Variants in SNX8 observed in about 807,000 individuals in gnomAD.
SNX8 encodes sorting nexin-8.
A neutral mutation model predicts 51.6 loss-of-function variants in SNX8; 25 were observed. The observed-to-expected ratio is 0.48, with a 90% confidence interval of 0.35 to 0.68. The LOEUF (loss-of-function observed/expected upper bound fraction) is 0.68, where lower values mean the gene tolerates loss of function less well. Ranked by LOEUF, SNX8 falls within the 30% of genes least tolerant of loss-of-function variation. The pLI is 0.00. For missense variants in SNX8, 695 were observed against 624.0 expected (o/e 1.11, Z -1.21); for synonymous variants, 324 against 277.0 (o/e 1.17, Z -1.68).
intron 1 of SNX8, among the ~76,000 whole-genome samples, chr7:2,330,207 G>A (rs576661461): frequency 2.7e-5 from 4 of 146,366 alleles, no homozygotes; most frequent in Middle Eastern, 3.5e-3. Flanking sequence ...GCGGCATCTC[G>A]GCTCACCACA....
intron 1 of SNX8, among the ~76,000 whole-genome samples, chr7:2,342,501 A>G (rs938763528): frequency 2.0e-5 from 3 of 151,988 alleles, no homozygotes; most frequent in Non-Finnish European, 4.4e-5. Context: ...TAAAAAATAC[A>G]AAAATCAGCC....
chr7:2,302,595 G>C (rs1007325501), intron 1 of SNX8, among the ~76,000 whole-genome samples: 3 of 151,434 alleles, frequency 2.0e-5, no homozygotes, highest in African/African-American at 4.9e-5. Flanking sequence ...CTTCTGCCTG[G>C]CTGCCCAGTC....
At chr7:2,289,087 C>T (rs776839908) in intron 1 of SNX8, among the ~76,000 whole-genome samples, 27 of 152,144 alleles carry the variant, frequency 1.8e-4, no homozygotes, top group Non-Finnish European at 3.4e-4. Flanking sequence ...TTGTTCCTGA[C>T]GTCTTTCCCT....
At chr7:2,267,338 C>T (rs2115109865) in intron 5 of SNX8, among the ~76,000 whole-genome samples, 1 of 145,194 alleles carries the variant, frequency 6.9e-6, no homozygotes, top group East Asian at 2.1e-4. Flanking sequence ...CCCCCTCTCC[C>T]TCTCCCTCAC....
In SNX8 at chr7:2,270,932, C is replaced by T. The variant is rs140480619; in HGVS notation, c.540+918G>A. The stretch of plus-strand genomic sequence containing the variant: ...TTCCAGTGGAGCCCCCGCCCCTCCC[C>T]GCACAGGGAGAGGGTCCTGCAGGCA... On this transcript the variant is annotated intron_variant, in intron 4 of 10. Coordinates refer to ENST00000222990, the MANE Select transcript of SNX8 (RefSeq NM_013321.4). Among the ~76,000 whole-genome samples, 1,175 of 152,284 alleles carry T rather than the reference C, an allele frequency of 7.7e-3. 16 individuals are homozygous for T. Among genetic ancestry groups the T allele is most frequent in the African/African-American group, 0.027 (1,128 of 41,562 alleles).
chr7:2,326,181 T>C (rs751360841), intron 1 of SNX8, among the ~76,000 whole-genome samples: 47 of 149,018 alleles, frequency 3.2e-4, no homozygotes, highest in South Asian at 6.4e-4. Context: ...CTGGGCAAAA[T>C]AGTGAGACCC....
rs74510194 is a variant in SNX8, at chr7:2,283,670, G to A, written c.95-5365C>T. Among the ~76,000 whole-genome samples the A allele has an allele frequency of 2.0e-3, 300 of 152,326 alleles. 6 individuals carry two copies. The East Asian group carries it at 0.048, about 24-fold the overall frequency. On this transcript the variant is annotated intron_variant, in intron 1 of 10. Transcript: ENST00000222990. Reference sequence around the variant, plus strand: ...TCAGGACCAGCAAGGATGGCACAGCGTCCCAGGGCTAAATTCCCCAAAGTG... The same window carrying A: ...TCAGGACCAGCAAGGATGGCACAGCATCCCAGGGCTAAATTCCCCAAAGTG...
intron 1 of SNX8, among the ~76,000 whole-genome samples, chr7:2,282,435 G>C (rs1795927889): frequency 6.6e-6 from 1 of 151,984 alleles, no homozygotes; most frequent in Non-Finnish European, 1.5e-5. Context: ...ACCCCTCTTT[G>C]CAACAAAAAA....
At position 2,270,314 on chromosome 7, in the gene SNX8, CAAAAAAAAAAAAAAAA is replaced by C. The variant is rs57983721; in HGVS notation, c.541-691_541-676del. On this transcript the variant is annotated intron_variant, in intron 4 of 10. Transcript: ENST00000222990. Reference sequence around the variant, plus strand: ...ATCATCTGACTCAACTCTCATTTTACAAAAAAAAAAAAAAAAAAAAAAAAAAAGACCTGAGGCCCAG... The same window carrying C: ...ATCATCTGACTCAACTCTCATTTTACAAAAAAAAAAAGACCTGAGGCCCAG... Among the ~76,000 whole-genome samples the C allele has an allele frequency of 1.2e-4, 7 of 57,086 alleles. 2 individuals are homozygous for C. Among genetic ancestry groups the C allele is most frequent in the African/African-American group, 5.4e-4 (7 of 12,848 alleles). 37.5% of individuals were successfully genotyped at this position (57,086 alleles called of 152,430 possible). A position where few individuals can be genotyped will look rare whatever the true frequency, so the allele number is the denominator to read the frequency against.
chr7:2,332,743 A>AAAGGAAGGAAGGAAGG lies in SNX8; in HGVS notation c.-66+21463_-66+21478dup, dbSNP rs57859551. On this transcript the variant is annotated intron_variant, in intron 1 of 5. Coordinates refer to the SNX8 transcript ENST00000435336. The stretch of plus-strand genomic sequence containing the variant: ...CCAGTGAGAGAGAGAGAGAGAGAGA[A>AAAGGAAGGAAGGAAGG]AAGGAAGGAAGGAAGGAAGGAAGGA... Among the ~76,000 whole-genome samples the AAAGGAAGGAAGGAAGG allele has an allele frequency of 6.9e-3, 968 of 140,362 alleles. 11 individuals carry two copies. Among genetic ancestry groups the AAAGGAAGGAAGGAAGG allele is most frequent in the African/African-American group, 0.025 (914 of 37,288 alleles). 92.1% of individuals were successfully genotyped at this position (140,362 alleles called of 152,430 possible).
chr7:2,258,571 GGA>G (rs1414430437), intron 7 of SNX8, among the ~76,000 whole-genome samples: 1 of 152,210 alleles, frequency 6.6e-6, no homozygotes, highest in Admixed American at 6.5e-5. Context: ...GGGGCACGGA[GGA>G]GAACAAGGGT....
intron 1 of SNX8, among the ~76,000 whole-genome samples, chr7:2,342,644 A>G (rs1391457742): frequency 6.7e-6 from 1 of 148,942 alleles, no homozygotes; most frequent in Non-Finnish European, 1.5e-5. Context: ...ACAGAGCGAG[A>G]CTCCATCTCC....
intron 1 of SNX8, among the ~76,000 whole-genome samples, chr7:2,319,980 A>AAAAC (rs538687476): frequency 7.2e-5 from 11 of 152,260 alleles, no homozygotes; most frequent in South Asian, 4.1e-4. Flanking sequence ...ACTACATCTC[A>AAAAC]AAACAAACAA....
intron 4 of SNX8, among the ~76,000 whole-genome samples, chr7:2,270,245 G>C (rs1178090296): frequency 2.9e-5 from 4 of 138,906 alleles, no homozygotes; most frequent in Non-Finnish European, 6.1e-5. Flanking sequence ...ATATGCAGCT[G>C]TTTGCGTGTC....
chr7:2,353,375 G>C (rs1286836142), intron 1 of SNX8, among the ~76,000 whole-genome samples: 2 of 151,932 alleles, frequency 1.3e-5, no homozygotes, highest in African/African-American at 2.4e-5. Context: ...AACAGAGCGA[G>C]ACCCTATCTC....
At chr7:2,320,082 C>T (rs117686640) in intron 1 of SNX8, among the ~76,000 whole-genome samples, 1 of 151,634 alleles carries the variant, frequency 6.6e-6, no homozygotes, top group South Asian at 2.1e-4. Flanking sequence ...TGAGGCCAGG[C>T]ACATGGCTCA....
Position 2,319,992 on chromosome 7 carries a change from C to T in SNX8, c.-66+34230G>A, listed in dbSNP as rs370834971. Reference sequence around the variant, plus strand: ...GAGACTACATCTCAAAACAAACAAACAAACAAACAAAAAACCGTAAATCGT... The same window carrying T: ...GAGACTACATCTCAAAACAAACAAATAAACAAACAAAAAACCGTAAATCGT... On this transcript the variant is annotated intron_variant, in intron 1 of 5. Coordinates refer to the SNX8 transcript ENST00000435336. Among the ~76,000 whole-genome samples the T allele has an allele frequency of 1.4e-3, 213 of 152,180 alleles. 8 individuals carry two copies. In the South Asian group the frequency reaches 0.042, roughly 30 times the overall value.
At chr7:2,273,921 C>T (rs1247913108) in intron 3 of SNX8, among the ~76,000 whole-genome samples, 1 of 151,630 alleles carries the variant, frequency 6.6e-6, no homozygotes, top group Non-Finnish European at 1.5e-5. Context: ...AAAAAAAACA[C>T]CATAAAAGAA....
At chr7:2,285,051 A>C (rs185999303) in intron 1 of SNX8, among the ~76,000 whole-genome samples, 29 of 151,980 alleles carry the variant, frequency 1.9e-4, no homozygotes, top group African/African-American at 7.0e-4. Flanking sequence ...TCTCTTCTAA[A>C]AATACAAAAA....
Sources: allele counts gnomAD v4.1 joint callset (sites outside exome capture counted in the v4.1 genomes callset), GRCh38; gene constraint gnomAD v4.1.1; transcripts MANE v1.5; gene names NCBI Gene and HGNC (gene_info 2026-07-23, HGNC 2026-07-21).